Variants in WWOX observed in about 807,000 individuals in gnomAD.
WWOX encodes the protein WW domain-containing oxidoreductase.
A neutral mutation model predicts 46.2 loss-of-function variants in WWOX; 69 were observed. That is an observed-to-expected ratio of 1.49 (90% CI 1.23 to 1.82). WWOX has a LOEUF of 1.82. Among genes scored for constraint, WWOX ranks in the 40% most tolerant of loss-of-function variants. The pLI, the probability that WWOX is intolerant of heterozygous loss-of-function variation, is 0.00. For synonymous variants in WWOX, 359 were observed against 202.6 expected, an observed-to-expected ratio of 1.77 and a Z score of -6.56; for missense variants, 919 against 542.6, an observed-to-expected ratio of 1.69 and a Z score of -6.89.
At chr16:79,178,778 A>G (rs1290195257) in intron 8 of WWOX, among the ~76,000 whole-genome samples, 3 of 152,236 alleles carry the variant, frequency 2.0e-5, no homozygotes, top group Admixed American at 6.5e-5. Flanking sequence ...GACTAATTTT[A>G]TGACAGTTTC....
At chr16:78,192,924 A>G (rs2035928236) in intron 5 of WWOX, among the ~76,000 whole-genome samples, 2 of 152,252 alleles carry the variant, frequency 1.3e-5, no homozygotes, top group South Asian at 2.1e-4. Context: ...CCGCAGTAAC[A>G]AACAATCCCA....
In WWOX at chr16:78,461,938, C is replaced by CTA. The variant is rs1303129859; in HGVS notation, c.1056+29187_1056+29188dup. ...CTTTTATGTTCTGTACTTCAATCAG[C>CTA]TAGAGCCAGCAGTATCCCAATGGAA... On this transcript the variant is annotated intron_variant, in intron 8 of 8. Transcript: ENST00000566780. Among the ~76,000 whole-genome samples the CTA allele has an allele frequency of 2.6e-5, 4 of 152,222 alleles. No homozygotes were observed. The South Asian group carries it at 6.2e-4, about 24-fold the overall frequency.
intron 5 of WWOX, among the ~76,000 whole-genome samples, chr16:78,368,581 T>G (rs887728480): frequency 1.3e-5 from 2 of 152,202 alleles, no homozygotes; most frequent in Non-Finnish European, 2.9e-5. Flanking sequence ...CTGCTGTTCA[T>G]AAATATTGAA....
At chr16:78,599,400 T>A (rs1449236400) in intron 8 of WWOX, among the ~76,000 whole-genome samples, 1 of 152,208 alleles carries the variant, frequency 6.6e-6, no homozygotes, top group Non-Finnish European at 1.5e-5. Context: ...AAGGGCCTGC[T>A]GCCCTGCCCC....
intron 8 of WWOX, among the ~76,000 whole-genome samples, chr16:79,102,030 T>TGG (rs2049208164): frequency 2.0e-5 from 1 of 49,640 alleles, no homozygotes; most frequent in African/African-American, 7.9e-5. Flanking sequence ...AGGTGGAGGG[T>TGG]GGTGGGGGTG....
chr16:78,934,052 G>A (rs972062534), intron 8 of WWOX, among the ~76,000 whole-genome samples: 7 of 151,870 alleles, frequency 4.6e-5, no homozygotes, highest in Admixed American at 1.3e-4. Context: ...AAACTTAGCC[G>A]GGGCCGGGCA....
intron 8 of WWOX, among the ~76,000 whole-genome samples, chr16:78,819,295 C>T (rs999851794): frequency 6.6e-6 from 1 of 152,144 alleles, no homozygotes; most frequent in Non-Finnish European, 1.5e-5. Context: ...ACTCCATAGA[C>T]AGGGCTTACA....
chr16:78,134,138 C>G (rs959630021), intron 4 of WWOX, among the ~76,000 whole-genome samples: 34 of 152,174 alleles, frequency 2.2e-4, no homozygotes, highest in Non-Finnish European at 2.9e-5. Flanking sequence ...TTAATGTTGA[C>G]TTTACTAGTT....
intron 8 of WWOX, among the ~76,000 whole-genome samples, chr16:78,481,633 G>T (rs1397569965): frequency 8.5e-6 from 1 of 118,256 alleles, no homozygotes. Flanking sequence ...TGATGGAATT[G>T]TGAAAAAAAA....
chr16:78,630,427 G>C (rs1455750269), intron 8 of WWOX, among the ~76,000 whole-genome samples: 1 of 152,166 alleles, frequency 6.6e-6, no homozygotes, highest in African/African-American at 2.4e-5. Flanking sequence ...CCTTTGTGGA[G>C]GCTGGAATTT....
At chr16:79,072,131 A>G (rs910181117) in intron 8 of WWOX, among the ~76,000 whole-genome samples, 5 of 152,092 alleles carry the variant, frequency 3.3e-5, no homozygotes, top group African/African-American at 1.2e-4. Flanking sequence ...AAAAAAGAAA[A>G]ATAAATTAGT....
chr16:78,803,358 G>A (rs531809200), intron 8 of WWOX, among the ~76,000 whole-genome samples: 10 of 152,034 alleles, frequency 6.6e-5, no homozygotes, highest in Middle Eastern at 3.2e-3. Context: ...ATTCTCAAGT[G>A]TAGTATTTAT....
chr16:78,227,886 C>T (rs1169788982), intron 5 of WWOX, among the ~76,000 whole-genome samples: 1 of 150,692 alleles, frequency 6.6e-6, no homozygotes, highest in Non-Finnish European at 1.5e-5. Flanking sequence ...AAAAAACAAA[C>T]AAAAAGAAAC....
intron 8 of WWOX, among the ~76,000 whole-genome samples, chr16:78,479,676 A>T (rs1214197028): frequency 2.6e-5 from 4 of 152,206 alleles, no homozygotes; most frequent in Non-Finnish European, 5.9e-5. Context: ...TCATCTGTAG[A>T]ATATGGACAG....
chr16:78,725,695 A>G (rs557598599), intron 8 of WWOX, among the ~76,000 whole-genome samples: 1 of 152,172 alleles, frequency 6.6e-6, no homozygotes, highest in South Asian at 2.1e-4. Flanking sequence ...ACAGAAATGT[A>G]TCATCTCACA....
chr16:79,069,420 G>A (rs2048506787), intron 8 of WWOX, among the ~76,000 whole-genome samples: 1 of 152,116 alleles, frequency 6.6e-6, no homozygotes, highest in African/African-American at 2.4e-5. Flanking sequence ...TTAAACTGTG[G>A]TTTAAAGACC....
chr16:78,777,974 G>C lies in WWOX; in HGVS notation c.1056+345222G>C, dbSNP rs141180091. ...GTAGGAGAATCGCTTGAACCCAGGA[G>C]GTGGAAGTTGTAGTGAGCCAAGATC... is the stretch of plus-strand genomic sequence containing the variant. On this transcript the variant is annotated intron_variant, in intron 8 of 8. Transcript: ENST00000566780. 4.0e-5 allele frequency among the ~76,000 whole-genome samples: 6 copies of C among 149,136 alleles called. No homozygotes were observed. The East Asian group carries it at 9.9e-4, about 25-fold the overall frequency.
chr16:78,371,357 G>A (rs1158826380), intron 5 of WWOX, among the ~76,000 whole-genome samples: 1 of 152,150 alleles, frequency 6.6e-6, no homozygotes, highest in African/African-American at 2.4e-5. Flanking sequence ...TTTTTGTGAT[G>A]GCAGGAATTT....
chr16:78,425,854 G>A (rs572026471), intron 7 of WWOX, among the ~76,000 whole-genome samples: 62 of 152,130 alleles, frequency 4.1e-4, no homozygotes, highest in African/African-American at 1.3e-3. Context: ...AAAAAATAAC[G>A]TGCAAGGGGC....
Sources: allele counts gnomAD v4.1 joint callset (sites outside exome capture counted in the v4.1 genomes callset), GRCh38; gene constraint gnomAD v4.1.1; transcripts MANE v1.5; gene names NCBI Gene and HGNC (gene_info 2026-07-23, HGNC 2026-07-21).